Variants in PPP1R12A observed in about 807,000 individuals in gnomAD.
The protein encoded by PPP1R12A is myosin binding subunit.
PPP1R12A carries 19 observed loss-of-function variants against 139.6 expected under a neutral mutation model. The observed-to-expected ratio is 0.14, with a 90% CI of 0.09 to 0.20. PPP1R12A has a LOEUF of 0.20. Ranked by LOEUF, PPP1R12A falls within the 10% of genes least tolerant of loss-of-function variation. The pLI is 1.00. For synonymous variants in PPP1R12A, 427 were observed against 420.6 expected (o/e 1.02, Z -0.19); for missense variants, 925 against 1,211.5 (o/e 0.76, Z 3.51).
chr12:79,909,917 T>C (rs974975389), intron 1 of PPP1R12A, among the ~76,000 whole-genome samples: 1 of 151,686 alleles, frequency 6.6e-6, no homozygotes, highest in African/African-American at 2.4e-5. Context: ...GGCCAGGCTG[T>C]TTTAACTCCT....
chr12:79,867,357 T>C (rs1882084844), intron 2 of PPP1R12A, among the ~76,000 whole-genome samples: 1 of 152,064 alleles, frequency 6.6e-6, no homozygotes, highest in South Asian at 2.1e-4. Flanking sequence ...TTAGGAGAAA[T>C]ACCCAATGTA....
chr12:79,830,252 A>C (rs1877257116), intron 4 of PPP1R12A, among the ~76,000 whole-genome samples: 1 of 152,146 alleles, frequency 6.6e-6, no homozygotes, highest in African/African-American at 2.4e-5. Flanking sequence ...AAGCAAATAC[A>C]ATTTTAATTT....
intron 1 of PPP1R12A, among the ~76,000 whole-genome samples, chr12:79,925,853 G>C (rs7969644): frequency 0.79 from 120,619 of 152,176 alleles, 50,039 homozygotes; most frequent in Non-Finnish European, 0.92. Context: ...GAAAAAAAAA[G>C]TATCAGTAAA....
chr12:79,797,740 T>C (rs953641106), intron 15 of PPP1R12A, among the ~76,000 whole-genome samples: 1 of 152,182 alleles, frequency 6.6e-6, no homozygotes, highest in African/African-American at 2.4e-5. Flanking sequence ...TATATACACA[T>C]GCATGATGAT....
chr12:79,888,530 G>T (rs149721211), intron 1 of PPP1R12A, among the ~76,000 whole-genome samples: 1 of 152,012 alleles, frequency 6.6e-6, no homozygotes, highest in East Asian at 1.9e-4. Context: ...AGGAGGGAAA[G>T]AAATAAAATG....
chr12:79,928,970 A>G (rs1019597728), intron 1 of PPP1R12A, among the ~76,000 whole-genome samples: 2 of 152,262 alleles, frequency 1.3e-5, no homozygotes, highest in African/African-American at 4.8e-5. Context: ...AATAGCATAG[A>G]ACATGGAACT....
At chr12:79,778,176 ACTCGC>A (rs1428460955) in intron 24 of PPP1R12A, among the ~76,000 whole-genome samples, 21 of 152,080 alleles carry the variant, frequency 1.4e-4, no homozygotes, top group African/African-American at 5.1e-4. Context: ...TCCACTACTT[ACTCGC>A]CAAAAAACAT....
intron 1 of PPP1R12A, among the ~76,000 whole-genome samples, chr12:79,921,158 AT>A (rs1404368114): frequency 6.6e-6 from 1 of 152,126 alleles, no homozygotes; most frequent in Admixed American, 6.5e-5. Flanking sequence ...TATACAAAAG[AT>A]GATTTTTTTT....
chr12:79,878,096 A>T (rs532767697), intron 1 of PPP1R12A, among the ~76,000 whole-genome samples: 49 of 152,096 alleles, frequency 3.2e-4, no homozygotes, highest in African/African-American at 1.1e-3. Flanking sequence ...CAAAACTACA[A>T]ATCTTTGCTG....
At chr12:79,790,560 A>C in intron 19 of PPP1R12A, 77 bp from the exon 20 acceptor site, 1 of 1,048,458 alleles carries the variant, frequency 9.5e-7, no homozygotes, top group Non-Finnish European at 1.3e-6. Context: ...ATTATAAGTA[A>C]ATTTAATGTA....
chr12:79,808,659 T>C, intron 10 of PPP1R12A, 82 bp from the exon 11 acceptor site: 1 of 719,222 alleles, frequency 1.4e-6, no homozygotes, highest in Admixed American at 2.5e-5. Flanking sequence ...GAAAAGGTTA[T>C]TCAATAATTA....
chr12:79,808,484 T>C lies in PPP1R12A; in HGVS notation c.1549A>G (p.Arg517Gly). The change falls in exon 11 of 25, where the codon AGA (arginine) becomes GGA (glycine). Residue 517 changes from arginine (R) to glycine (G), a missense_variant and splice_region_variant. By Grantham distance (125) the Arg-to-Gly change is moderately radical. Around this residue, in one of 4 missense-constraint regions of PPP1R12A, gnomAD observed 403 missense variants for 463.7 expected, o/e 0.87. Coordinates refer to ENST00000450142, the MANE Select transcript of PPP1R12A (RefSeq NM_002480.3). ...TAAAGCAAATCAAAATAAACTCACC[T>C]GTTTTCTTTCTCTTCAATGTCAGAT... Reference protein sequence around the residue: ...STSDIEEKENRDSSSLRTSSS... With the variant: ...STSDIEEKENGDSSSLRTSSS... 6.3e-7 allele frequency: 1 copy of C among 1,584,500 alleles called. No homozygotes were observed. Among genetic ancestry groups the C allele is most frequent in the South Asian group, 1.1e-5 (1 of 89,130 alleles).
intron 5 of PPP1R12A, 126 bp from the exon 6 acceptor site, chr12:79,822,316 T>C (rs1053663981): frequency 2.9e-5 from 18 of 610,818 alleles, no homozygotes; most frequent in Non-Finnish European, 4.7e-5. Flanking sequence ...TATGATACAA[T>C]AACTACTGTA....
At chr12:79,823,013 T>C (rs1435303450) in intron 5 of PPP1R12A, among the ~76,000 whole-genome samples, 1 of 152,132 alleles carries the variant, frequency 6.6e-6, no homozygotes, top group Non-Finnish European at 1.5e-5. Context: ...AAACTAAAAA[T>C]ATATATATGT....
intron 5 of PPP1R12A, among the ~76,000 whole-genome samples, chr12:79,825,674 G>A (rs1876674143): frequency 6.6e-6 from 1 of 151,522 alleles, no homozygotes; most frequent in South Asian, 2.1e-4. Flanking sequence ...CTAAACTCTG[G>A]TAGTACCTTA....
chr12:79,875,289 T>C (rs7969601), intron 1 of PPP1R12A, among the ~76,000 whole-genome samples: 1 of 152,146 alleles, frequency 6.6e-6, no homozygotes, highest in Non-Finnish European at 1.5e-5. Flanking sequence ...GCAATCCCCA[T>C]GTATTACCAG....
chr12:79,923,723 C>T (rs1049881909), intron 1 of PPP1R12A, among the ~76,000 whole-genome samples: 29 of 152,234 alleles, frequency 1.9e-4, no homozygotes, highest in African/African-American at 6.5e-4. Flanking sequence ...CAACATTAAA[C>T]ATACAAAAGT....
chr12:79,854,572 A>G (rs930671295), intron 2 of PPP1R12A, among the ~76,000 whole-genome samples: 1 of 152,224 alleles, frequency 6.6e-6, no homozygotes, highest in Admixed American at 6.5e-5. Flanking sequence ...GCACATTTGA[A>G]AAGTTAAGAC....
intron 1 of PPP1R12A, among the ~76,000 whole-genome samples, chr12:79,890,905 C>CACACACACACA (rs1491145335): frequency 1.2e-4 from 14 of 115,718 alleles, no homozygotes; most frequent in East Asian, 7.5e-4. Flanking sequence ...CCACACCCAC[C>CACACACACACA]CACACACACA....
Sources: allele counts gnomAD v4.1 joint callset (sites outside exome capture counted in the v4.1 genomes callset), GRCh38; gene constraint gnomAD v4.1.1; regional missense constraint gnomAD v4.1.1; transcripts MANE v1.5; gene names NCBI Gene and HGNC (gene_info 2026-07-23, HGNC 2026-07-21).